Variants in TAFA1 observed in about 807,000 individuals in gnomAD.
TAFA1 encodes TAFA chemokine like family member 1, also known as chemokine-like protein TAFA-1.
Under a neutral mutation model 18.5 loss-of-function variants are expected in TAFA1, and 4 were observed. The observed-to-expected ratio is 0.22, with a 90% CI of 0.11 to 0.49. The LOEUF is 0.49. Among genes scored for constraint, TAFA1 ranks in the 20% least tolerant of loss-of-function variants. The probability of loss-of-function intolerance (pLI) is 0.98; values close to 1 mark genes in which losing one functional copy is unlikely to be tolerated. For synonymous variants in TAFA1, 56 were observed against 55.2 expected (o/e 1.01, Z -0.06); for missense variants, 147 against 169.0 (o/e 0.87, Z 0.72).
At chr3:68,148,320 T>TA (rs1193048614) in intron 2 of TAFA1, among the ~76,000 whole-genome samples, 1 of 152,238 alleles carries the variant, frequency 6.6e-6, no homozygotes, top group East Asian at 1.9e-4. Context: ...CTTATGTATT[T>TA]AACCTCCTTC....
At chr3:68,075,883 G>C (rs1274547495) in intron 2 of TAFA1, among the ~76,000 whole-genome samples, 2 of 152,192 alleles carry the variant, frequency 1.3e-5, no homozygotes, top group East Asian at 3.9e-4. Flanking sequence ...TTTTCGCAGA[G>C]ATGGGGTTTC....
intron 3 of TAFA1, among the ~76,000 whole-genome samples, chr3:68,468,833 C>A (rs570419279): frequency 6.6e-6 from 1 of 152,266 alleles, no homozygotes; most frequent in Admixed American, 6.5e-5. Context: ...CTATTATCTG[C>A]AAATGTAGTT....
At chr3:68,349,448 G>A (rs1510354) in intron 2 of TAFA1, among the ~76,000 whole-genome samples, 1 of 151,748 alleles carries the variant, frequency 6.6e-6, no homozygotes, top group African/African-American at 2.4e-5. Context: ...AAAGTCCTAC[G>A]GCACCCATAT....
At chr3:68,160,100 T>C (rs905336766) in intron 2 of TAFA1, among the ~76,000 whole-genome samples, 2 of 152,230 alleles carry the variant, frequency 1.3e-5, no homozygotes, top group African/African-American at 4.8e-5. Context: ...GCTCTTGGGC[T>C]TCTGCAAGGT....
intron 2 of TAFA1, among the ~76,000 whole-genome samples, chr3:68,166,934 G>C (rs1174211241): frequency 6.6e-6 from 1 of 152,128 alleles, no homozygotes; most frequent in Non-Finnish European, 1.5e-5. Flanking sequence ...ATAAGATCAA[G>C]GATGTAAACT....
intron 2 of TAFA1, among the ~76,000 whole-genome samples, chr3:68,068,494 C>A (rs984729500): frequency 6.6e-6 from 1 of 152,156 alleles, no homozygotes; most frequent in African/African-American, 2.4e-5. Context: ...TCTTTAATCA[C>A]CCTAATTCCT....
chr3:68,319,766 C>T (rs549148132), intron 2 of TAFA1, among the ~76,000 whole-genome samples: 4 of 152,250 alleles, frequency 2.6e-5, no homozygotes, highest in African/African-American at 4.8e-5. Flanking sequence ...GTTTAAAATA[C>T]ATGTTTTCAT....
chr3:68,399,066 C>T (rs1245687679), intron 2 of TAFA1, among the ~76,000 whole-genome samples: 1 of 152,094 alleles, frequency 6.6e-6, no homozygotes, highest in Non-Finnish European at 1.5e-5. Context: ...TTCTAATTTA[C>T]ATAACTTTAG....
chr3:68,185,529 C>A (rs1052605653), intron 2 of TAFA1, among the ~76,000 whole-genome samples: 1 of 152,064 alleles, frequency 6.6e-6, no homozygotes, highest in African/African-American at 2.4e-5. Context: ...CACTTCTTGT[C>A]TTAAATGAAT....
intron 2 of TAFA1, among the ~76,000 whole-genome samples, chr3:68,280,107 G>A (rs2107254073): frequency 6.6e-6 from 1 of 152,222 alleles, no homozygotes; most frequent in South Asian, 2.1e-4. Flanking sequence ...GAATGGGGCT[G>A]TTCACTGTCA....
intron 2 of TAFA1, among the ~76,000 whole-genome samples, chr3:68,263,281 A>G: frequency 6.6e-6 from 1 of 152,114 alleles, no homozygotes; most frequent in Non-Finnish European, 1.5e-5. Flanking sequence ...GTGATTTGCT[A>G]ATACCTGACA....
At chr3:68,351,473 A>G (rs2069268469) in intron 2 of TAFA1, among the ~76,000 whole-genome samples, 1 of 152,026 alleles carries the variant, frequency 6.6e-6, no homozygotes, top group Non-Finnish European at 1.5e-5. Flanking sequence ...GTTAAAATGG[A>G]CACCTGTTAC....
intron 2 of TAFA1, among the ~76,000 whole-genome samples, chr3:68,297,883 C>G (rs1362291408): frequency 1.3e-5 from 2 of 152,132 alleles, no homozygotes; most frequent in Non-Finnish European, 2.9e-5. Flanking sequence ...ATTATTACAA[C>G]AAGCTCAGTA....
chr3:68,427,388 T>A (rs1394998293), intron 3 of TAFA1, among the ~76,000 whole-genome samples: 1 of 151,828 alleles, frequency 6.6e-6, no homozygotes, highest in Non-Finnish European at 1.5e-5. Flanking sequence ...GCTGTCCACA[T>A]GAATAACTAG....
chr3:68,531,667 A>C (rs1459458979), intron 3 of TAFA1, among the ~76,000 whole-genome samples: 2 of 152,038 alleles, frequency 1.3e-5, no homozygotes, highest in Non-Finnish European at 2.9e-5. Context: ...AACTCCTGAG[A>C]TCTTATGGGG....
intron 2 of TAFA1, among the ~76,000 whole-genome samples, chr3:68,381,831 G>A (rs1198528338): frequency 6.6e-6 from 1 of 152,180 alleles, no homozygotes; most frequent in African/African-American, 2.4e-5. Context: ...ATGAGAGAGG[G>A]CATCCCTGCC....
intron 2 of TAFA1, among the ~76,000 whole-genome samples, chr3:68,332,953 T>C (rs2068907860): frequency 6.6e-6 from 1 of 152,162 alleles, no homozygotes; most frequent in Admixed American, 6.5e-5. Context: ...CACAATTAAA[T>C]AACATTTCAC....
chr3:68,239,121 A>G (rs1480926130), intron 2 of TAFA1, among the ~76,000 whole-genome samples: 11 of 152,290 alleles, frequency 7.2e-5, no homozygotes, highest in Admixed American at 3.9e-4. Flanking sequence ...GTGTATTTAT[A>G]CTTTTTGGAC....
chr3:68,147,719 G>A (rs1269529793), intron 2 of TAFA1, among the ~76,000 whole-genome samples: 4 of 152,090 alleles, frequency 2.6e-5, no homozygotes, highest in Admixed American at 6.6e-5. Context: ...TCTATTGAAC[G>A]TGAATTCCAT....
Sources: allele counts gnomAD v4.1 joint callset (sites outside exome capture counted in the v4.1 genomes callset), GRCh38; gene constraint gnomAD v4.1.1; transcripts MANE v1.5; gene names NCBI Gene and HGNC (gene_info 2026-07-23, HGNC 2026-07-21).